RUNX1: variants seen among roughly 807,000 people sequenced by gnomAD.
RUNX1 encodes the protein RUNX family transcription factor 1.
Under a neutral mutation model 42.8 loss-of-function variants are expected in RUNX1, and 19 were observed. The observed-to-expected ratio is 0.44, with a 90% confidence interval of 0.31 to 0.65. The LOEUF (loss-of-function observed/expected upper bound fraction) is 0.65. RUNX1 is among the 30% of genes least tolerant of loss of function. RUNX1 has a pLI of 0.07. For synonymous variants in RUNX1, 271 were observed against 289.4 expected (o/e 0.94, Z 0.64); for missense variants, 528 against 672.0 (o/e 0.79, Z 2.37).
rs2145867049 is a variant in RUNX1, at chr21:34,791,215, TTC to T, written c.*918_*919del. On this transcript the variant is annotated 3_prime_UTR_variant, in exon 9 of 9. Coordinates refer to ENST00000675419, the MANE Select transcript of RUNX1 (RefSeq NM_001754.5). ...GATAACCAAGCGATCACATTACTCA[TTC>T]TTTTTTTCTAGCCTTCTTCAATGTG... The T allele has an allele frequency of 8.6e-6, 2 of 233,444 alleles. No individual in the cohort carries two copies. The highest frequency in any genetic ancestry group is 1.7e-5 in the Non-Finnish European group (2 of 117,900). The allele number at this position is 233,444 out of a possible 1,614,324, so 14.5% of individuals were successfully genotyped here. A position where few individuals can be genotyped will look rare whatever the true frequency, so the allele number is the denominator to read the frequency against.
At chr21:34,985,946 G>A (rs750057609) in intron 2 of RUNX1, among the ~76,000 whole-genome samples, 4 of 144,642 alleles carry the variant, frequency 2.8e-5, no homozygotes, top group Middle Eastern at 3.7e-3. Flanking sequence ...GATCATGGTC[G>A]CTGCAGCCTC....
intron 2 of RUNX1, among the ~76,000 whole-genome samples, chr21:34,955,106 A>G (rs2058635347): frequency 6.6e-6 from 1 of 151,984 alleles, no homozygotes; most frequent in Non-Finnish European, 1.5e-5. Flanking sequence ...GCAGTTTTTT[A>G]TTTTTCAAAG....
At chr21:34,884,277 T>C (rs574894576) in intron 4 of RUNX1, among the ~76,000 whole-genome samples, 1 of 152,322 alleles carries the variant, frequency 6.6e-6, no homozygotes, top group Non-Finnish European at 1.5e-5. Flanking sequence ...TTGTAATCTA[T>C]TTTAAAGAAA....
intron 5 of RUNX1, among the ~76,000 whole-genome samples, chr21:34,876,056 G>T (rs2057808603): frequency 6.6e-6 from 1 of 152,190 alleles, no homozygotes; most frequent in Non-Finnish European, 1.5e-5. Flanking sequence ...CAAGATTAAA[G>T]CTGCCAGGGA....
intron 2 of RUNX1, among the ~76,000 whole-genome samples, chr21:35,006,118 A>G (rs1272367034): frequency 6.6e-6 from 1 of 152,230 alleles, no homozygotes; most frequent in Non-Finnish European, 1.5e-5. Flanking sequence ...TAAGGTCACC[A>G]GGCCTTTGAG....
intron 6 of RUNX1, 74 bp downstream of exon 6, chr21:34,859,400 A>G: frequency 8.6e-7 from 1 of 1,160,288 alleles, no homozygotes; most frequent in Non-Finnish European, 1.3e-6. Context: ...AATCTGAGAC[A>G]TGGTCCCTGA....
At chr21:34,846,194 C>CTTCTTTTTTT (rs1201995651) in intron 6 of RUNX1, among the ~76,000 whole-genome samples, 8,953 of 101,618 alleles carry the variant, frequency 0.088, 591 homozygotes, top group Non-Finnish European at 0.14. Context: ...TTAAGGATGT[C>CTTCTTTTTTT]TTTTTTTTTT....
rs1223379182 is a variant in RUNX1, at chr21:34,790,452, T to C, written c.*1683A>G. The stretch of plus-strand genomic sequence containing the variant: ...ACCACCAGATCATTTGGAGCACACA[T>C]GTGTCAAAATCAGCAGTTAGTATTT... On this transcript the variant is annotated 3_prime_UTR_variant, in exon 9 of 9. Transcript: ENST00000675419. 8.6e-6 allele frequency: 2 copies of C among 232,602 alleles called. No individual in the cohort carries two copies. Among genetic ancestry groups the C allele is most frequent in the Non-Finnish European group, 1.7e-5 (2 of 117,952 alleles). The allele number at this position is 232,602 out of a possible 1,614,324, so 14.4% of individuals were successfully genotyped here. A position where few individuals can be genotyped will look rare whatever the true frequency, so the allele number is the denominator to read the frequency against.
At chr21:34,859,662 T>C (rs917969120) in intron 5 of RUNX1, 84 bp from the exon 6 acceptor site, 3 of 1,134,420 alleles carry the variant, frequency 2.6e-6, no homozygotes, top group African/African-American at 3.0e-5. Context: ...TAATTTATGC[T>C]GTCCAGCCCT....
At chr21:35,021,631 G>T (rs2059198935) in intron 2 of RUNX1, among the ~76,000 whole-genome samples, 1 of 152,204 alleles carries the variant, frequency 6.6e-6, no homozygotes, top group Non-Finnish European at 1.5e-5. Context: ...TTGTAGAGTT[G>T]AGTTGGAGAA....
intron 6 of RUNX1, among the ~76,000 whole-genome samples, chr21:34,851,540 C>T (rs918901048): frequency 1.3e-5 from 2 of 152,262 alleles, no homozygotes; most frequent in African/African-American, 4.8e-5. Flanking sequence ...ATCCAGAAAA[C>T]TTTTTACATG....
At chr21:34,958,742 C>A (rs1442212809) in intron 2 of RUNX1, among the ~76,000 whole-genome samples, 1 of 152,002 alleles carries the variant, frequency 6.6e-6, no homozygotes, top group African/African-American at 2.4e-5. Flanking sequence ...TATAAAGACA[C>A]ATGCACACGT....
intron 6 of RUNX1, among the ~76,000 whole-genome samples, chr21:34,842,601 G>A (rs2057255414): frequency 6.6e-6 from 1 of 151,874 alleles, no homozygotes; most frequent in South Asian, 2.1e-4. Flanking sequence ...GTTGAGAGTG[G>A]CACTCTGACA....
chr21:34,867,492 C>T (rs1472423282), intron 5 of RUNX1, among the ~76,000 whole-genome samples: 1 of 152,138 alleles, frequency 6.6e-6, no homozygotes, highest in Non-Finnish European at 1.5e-5. Context: ...CAGTCCTTTA[C>T]AACGTCGAAT....
chr21:34,799,391 A>G lies in RUNX1; in HGVS notation c.877T>C (p.Ser293Pro), dbSNP rs2056576503. 6.2e-7 allele frequency: 1 copy of G among 1,614,146 alleles called. No individual in the cohort carries two copies. The highest frequency in any genetic ancestry group is 8.5e-7 in the Non-Finnish European group (1 of 1,180,022). Reference sequence around the variant, plus strand: ...GGCGTTGCTGGGTGCACAGAAGGAGAGGCAATGGATCCCAGGTATTGGTAG... The same window carrying G: ...GGCGTTGCTGGGTGCACAGAAGGAGGGGCAATGGATCCCAGGTATTGGTAG... The part of the protein sequence containing the change: ...QSYQYLGSIA[S>P]PSVHPATPIS... The change falls in exon 8 of 9, where the codon TCT (serine) becomes CCT (proline). Residue 293 changes from serine (S) to proline (P), a missense_variant. This residue lies in a region of RUNX1 where 331 missense variants were observed against 382.5 expected (regional missense o/e 0.87). Transcript: ENST00000675419.
chr21:34,884,363 T>C (rs969062464), intron 4 of RUNX1, among the ~76,000 whole-genome samples: 5 of 152,246 alleles, frequency 3.3e-5, no homozygotes, highest in Admixed American at 2.0e-4. Flanking sequence ...AGGAGATTCC[T>C]AAGAAGGCCT....
chr21:34,900,192 T>C (rs2058166221), intron 2 of RUNX1, among the ~76,000 whole-genome samples: 2 of 152,224 alleles, frequency 1.3e-5, no homozygotes, highest in East Asian at 3.8e-4. Flanking sequence ...AAATTATTAA[T>C]GAGCTATTTT....
At chr21:34,872,521 T>C (rs982200162) in intron 5 of RUNX1, among the ~76,000 whole-genome samples, 1 of 152,250 alleles carries the variant, frequency 6.6e-6, no homozygotes, top group Admixed American at 6.5e-5. Flanking sequence ...TTCAGTGATG[T>C]TCTCTATTTT....
chr21:35,030,175 C>G (rs1295676666), intron 2 of RUNX1, among the ~76,000 whole-genome samples: 1 of 152,104 alleles, frequency 6.6e-6, no homozygotes, highest in Admixed American at 6.5e-5. Context: ...AACCATGTCT[C>G]TACTAAAAAT....
Sources: gnomAD v4.1 joint callset for allele counts (sites outside exome capture counted in the v4.1 genomes callset) on GRCh38, gnomAD v4.1.1 for gene constraint, gnomAD v4.1.1 regional missense constraint, MANE v1.5 for transcripts, NCBI Gene and HGNC (gene_info 2026-07-23, HGNC 2026-07-21) for gene names.